The following DTNB variants were observed in gnomAD, a reference collection of about 807,000 sequenced individuals.
The protein encoded by DTNB is DTN-B.
In DTNB, 63 loss-of-function variants were observed where a neutral mutation model predicts 90.7. The observed-to-expected ratio is 0.69, with a 90% CI of 0.57 to 0.86. The LOEUF is 0.86. Ranked by LOEUF, DTNB falls within the 40% of genes least tolerant of loss-of-function variation. The pLI is 0.00. For missense variants in DTNB, 744 were observed against 807.1 expected, an observed-to-expected ratio of 0.92 and a Z score of 0.95; for synonymous variants, 277 against 286.7, an observed-to-expected ratio of 0.97 and a Z score of 0.34.
chr2:25,666,801 C>CAGGT (rs1384046456), intron 1 of DTNB, among the ~76,000 whole-genome samples: 3 of 152,034 alleles, frequency 2.0e-5, no homozygotes, highest in Admixed American at 2.0e-4. Flanking sequence ...GTAGTAATGA[C>CAGGT]AGAAAGCAAA....
chr2:25,459,205 T>C (rs1220798572), intron 10 of DTNB, among the ~76,000 whole-genome samples: 2 of 152,166 alleles, frequency 1.3e-5, no homozygotes, highest in Non-Finnish European at 2.9e-5. Context: ...AAAATTTCTT[T>C]GAAAAGTTGG....
chr2:25,626,237 G>A (rs2074125712), intron 4 of DTNB, among the ~76,000 whole-genome samples: 1 of 152,116 alleles, frequency 6.6e-6, no homozygotes, highest in Non-Finnish European at 1.5e-5. Context: ...AAAAAATATT[G>A]TTTCTTGAGT....
At chr2:25,468,577 C>G (rs1454884071) in intron 10 of DTNB, among the ~76,000 whole-genome samples, 1 of 152,086 alleles carries the variant, frequency 6.6e-6, no homozygotes, top group African/African-American at 2.4e-5. Context: ...GACAAGGGGT[C>G]AACACGAGTT....
chr2:25,603,762 G>T (rs2066426476), intron 5 of DTNB, among the ~76,000 whole-genome samples: 1 of 152,180 alleles, frequency 6.6e-6, no homozygotes, highest in African/African-American at 2.4e-5. Flanking sequence ...CCAGTCAGTA[G>T]AAGGAGGTTG....
rs1427444810 is a variant in DTNB at position 25,526,384 on chromosome 2, TATA to T, written c.1001+5086_1001+5088del. 4.3e-4 allele frequency among the ~76,000 whole-genome samples: 23 copies of T among 53,520 alleles called. No individual in the cohort carries two copies. In the East Asian group the frequency reaches 6.8e-3, roughly 16 times the overall value. The allele number at this position is 53,520 out of a possible 152,430, so 35.1% of individuals were successfully genotyped here. On this transcript the variant is annotated intron_variant, in intron 9 of 20. Coordinates refer to ENST00000406818, the MANE Select transcript of DTNB (RefSeq NM_021907.5). ...ATAAATATATATATATATATATATA[TATA>T]TATATATATTTTTTTTTTTTTAATT... is the stretch of plus-strand genomic sequence containing the variant.
chr2:25,413,231 AATT>A (rs1222631487), intron 16 of DTNB, among the ~76,000 whole-genome samples: 2 of 151,924 alleles, frequency 1.3e-5, no homozygotes, highest in South Asian at 2.1e-4. Flanking sequence ...TTTTTAAAAA[AATT>A]ATTTTCATTA....
At chr2:25,502,877 G>A (rs1293965265) in intron 9 of DTNB, among the ~76,000 whole-genome samples, 1 of 109,394 alleles carries the variant, frequency 9.1e-6, no homozygotes, top group Non-Finnish European at 1.7e-5. Context: ...CAGAGCAACT[G>A]TCTAAAAAAA....
At chr2:25,640,781 C>T (rs2384253) in intron 2 of DTNB, among the ~76,000 whole-genome samples, 24,607 of 150,982 alleles carry the variant, frequency 0.16, 2,616 homozygotes, top group East Asian at 0.59. Flanking sequence ...CTGAGGCGGG[C>T]GGATCACAAG....
chr2:25,658,926 TTTTA>T (rs770412574), intron 1 of DTNB, among the ~76,000 whole-genome samples: 1 of 152,150 alleles, frequency 6.6e-6, no homozygotes, highest in Non-Finnish European at 1.5e-5. Context: ...TCTTTTAACT[TTTTA>T]TTTATGTATT....
chr2:25,478,638 G>A (rs1282219477), intron 10 of DTNB, among the ~76,000 whole-genome samples: 1 of 151,904 alleles, frequency 6.6e-6, no homozygotes, highest in East Asian at 1.9e-4. Context: ...GGGATCAAGC[G>A]ATCCTCCTAC....
chr2:25,515,654 C>T (rs1031489187), intron 9 of DTNB, among the ~76,000 whole-genome samples: 15 of 152,104 alleles, frequency 9.9e-5, no homozygotes, highest in Non-Finnish European at 1.8e-4. Flanking sequence ...ATGGCGCAAT[C>T]TCGGCTCACT....
intron 8 of DTNB, among the ~76,000 whole-genome samples, chr2:25,547,271 CT>C (rs371065720): frequency 9.1e-4 from 113 of 123,604 alleles, no homozygotes; most frequent in Middle Eastern, 4.5e-3. Context: ...CTGTATACTT[CT>C]TTTTTTTTTT....
chr2:25,558,551 G>A (rs973417596), intron 8 of DTNB: 1 of 269,658 alleles, frequency 3.7e-6, no homozygotes, highest in Non-Finnish European at 5.7e-6. Context: ...CCTTGTCATC[G>A]CTCTAAGAAT....
chr2:25,388,120 A>T, intron 17 of DTNB, 82 bp downstream of exon 17: 1 of 1,527,042 alleles, frequency 6.5e-7, no homozygotes, highest in Non-Finnish European at 8.8e-7. Context: ...ACAAAACAGA[A>T]ATGGAAAAAA....
chr2:25,493,584 T>C (rs775174253), intron 9 of DTNB, among the ~76,000 whole-genome samples: 2 of 152,226 alleles, frequency 1.3e-5, no homozygotes, highest in African/African-American at 2.4e-5. Context: ...ATGTCCTTCA[T>C]AGATTGGCCA....
intron 3 of DTNB, among the ~76,000 whole-genome samples, chr2:25,633,809 C>T (rs2076350966): frequency 6.6e-6 from 1 of 150,522 alleles, no homozygotes; most frequent in African/African-American, 2.5e-5. Flanking sequence ...ATGTGGGGAG[C>T]GCCTCTGCCC....
chr2:25,550,553 A>G (rs2083432315), intron 8 of DTNB, among the ~76,000 whole-genome samples: 1 of 152,172 alleles, frequency 6.6e-6, no homozygotes, highest in African/African-American at 2.4e-5. Flanking sequence ...CATTATCACA[A>G]TGATGCCTAT....
chr2:25,516,834 G>A (rs140502697), intron 9 of DTNB, among the ~76,000 whole-genome samples: 2 of 152,014 alleles, frequency 1.3e-5, no homozygotes, highest in African/African-American at 4.8e-5. Flanking sequence ...AAGTTACAAT[G>A]AGCCAAAGAC....
At chr2:25,638,458 C>T (rs1177127203) in intron 3 of DTNB, among the ~76,000 whole-genome samples, 3 of 152,074 alleles carry the variant, frequency 2.0e-5, no homozygotes, top group South Asian at 2.1e-4. Context: ...CACACAAACA[C>T]GAGAAAAGTA....
Sources: gnomAD v4.1 joint callset for allele counts (sites outside exome capture counted in the v4.1 genomes callset) on GRCh38, gnomAD v4.1.1 for gene constraint, MANE v1.5 for transcripts, NCBI Gene and HGNC (gene_info 2026-07-23, HGNC 2026-07-21) for gene names.